XRCC5: variants seen among roughly 807,000 people sequenced by gnomAD.
XRCC5 encodes the protein DNA repair protein Ku80.
In XRCC5, 12 loss-of-function variants were observed where a neutral mutation model predicts 95.7. The observed-to-expected ratio is 0.13, with a 90% CI of 0.08 to 0.20. XRCC5 has a LOEUF of 0.20. XRCC5 is among the 10% of genes least tolerant of loss of function. XRCC5 has a pLI of 1.00. For missense variants in XRCC5, 595 were observed against 873.9 expected (o/e 0.68, Z 4.02); for synonymous variants, 281 against 290.3 (o/e 0.97, Z 0.33).
intron 19 of XRCC5, among the ~76,000 whole-genome samples, chr2:216,196,218 T>C (rs1283392487): frequency 1.4e-5 from 2 of 141,510 alleles, no homozygotes; most frequent in Non-Finnish European, 3.1e-5. Context: ...AGATTTTTGT[T>C]AAAAAAAAAA....
At chr2:216,125,814 A>G in intron 6 of XRCC5, 103 bp from the exon 7 acceptor site, 1 of 900,074 alleles carries the variant, frequency 1.1e-6, no homozygotes, top group Non-Finnish European at 1.7e-6. Flanking sequence ...TCTCTTTATA[A>G]TTAACATTAG....
intron 16 of XRCC5, among the ~76,000 whole-genome samples, chr2:216,185,550 C>G (rs1559260463): frequency 6.6e-6 from 1 of 152,156 alleles, no homozygotes; most frequent in Non-Finnish European, 1.5e-5. Context: ...TTTTTATTCT[C>G]TTAATAATGA....
rs968051819 is a variant in XRCC5 at position 216,192,748 on chromosome 2, T to G, written c.2041+13T>G. On this transcript the variant is annotated intron_variant, in intron 18 of 20. Coordinates refer to ENST00000392132, the MANE Select transcript of XRCC5 (RefSeq NM_021141.4). ...ATTGTTGTCCAGGGTAAGTTGTCAT[T>G]TGCCTTTTTTTTTAAAAAGTATTTT... 22 of 1,537,546 alleles carry G rather than the reference T, an allele frequency of 1.4e-5. No homozygotes were observed. Among genetic ancestry groups the G allele is most frequent in the Non-Finnish European group, 1.9e-5 (22 of 1,143,530 alleles).
intron 16 of XRCC5, among the ~76,000 whole-genome samples, chr2:216,179,942 G>A (rs1352163318): frequency 1.3e-5 from 2 of 152,178 alleles, no homozygotes; most frequent in African/African-American, 4.8e-5. Flanking sequence ...GAAGAGGTCC[G>A]ATTTTTGATC....
chr2:216,123,115 G>T (rs914509637), intron 6 of XRCC5, among the ~76,000 whole-genome samples: 1 of 152,136 alleles, frequency 6.6e-6, no homozygotes, highest in East Asian at 1.9e-4. Context: ...TGATATTCTT[G>T]AATTATTTCC....
At chr2:216,170,990 G>A (rs1218810885) in intron 16 of XRCC5, among the ~76,000 whole-genome samples, 2 of 152,184 alleles carry the variant, frequency 1.3e-5, no homozygotes, top group Admixed American at 1.3e-4. Context: ...AGCCCAGCTG[G>A]TTGAAAAAGG....
chr2:216,184,902 T>C (rs1227907843), intron 16 of XRCC5, among the ~76,000 whole-genome samples: 1 of 152,176 alleles, frequency 6.6e-6, no homozygotes, highest in Non-Finnish European at 1.5e-5. Context: ...CTGTATGCCC[T>C]GCATCTGAGG....
At chr2:216,138,928 C>T (rs1416661211) in intron 12 of XRCC5, among the ~76,000 whole-genome samples, 5 of 152,150 alleles carry the variant, frequency 3.3e-5, no homozygotes, top group Non-Finnish European at 5.9e-5. Flanking sequence ...TCAATTCTTT[C>T]TGTTATTTTG....
At chr2:216,188,651 C>G (rs1689554954) in intron 16 of XRCC5, among the ~76,000 whole-genome samples, 1 of 152,138 alleles carries the variant, frequency 6.6e-6, no homozygotes, top group Non-Finnish European at 1.5e-5. Flanking sequence ...ACACCGCTTT[C>G]TGTTATCAAA....
Position 216,175,307 on chromosome 2 carries a change from C to A in XRCC5, c.1834+13259C>A, listed in dbSNP as rs559580705. ...TCTACTTCTACCACCAGAGCCTCCT[C>A]TTCCACCAAAGTTTCCACCACAGCC... On this transcript the variant is annotated intron_variant, in intron 16 of 20. Transcript: ENST00000392132. 107 of 455,112 alleles carry A rather than the reference C, an allele frequency of 2.4e-4. 2 individuals carry two copies. Among genetic ancestry groups the A allele is most frequent in the South Asian group, 1.7e-3 (103 of 59,094 alleles). 28.2% of individuals were successfully genotyped at this position (455,112 alleles called of 1,614,324 possible). A position where few individuals can be genotyped will look rare whatever the true frequency, so the allele number is the denominator to read the frequency against.
chr2:216,124,135 T>G (rs574319363), intron 6 of XRCC5, among the ~76,000 whole-genome samples: 9 of 152,348 alleles, frequency 5.9e-5, no homozygotes, highest in African/African-American at 2.2e-4. Flanking sequence ...TTACCATCAT[T>G]GCAGAAAGTT....
rs754503811 is a variant in XRCC5, at chr2:216,130,832, GA to G, written c.938-42del. 6 of 1,347,164 alleles carry G rather than the reference GA, an allele frequency of 4.5e-6. 1 individual carries two copies. In the South Asian group the frequency reaches 7.6e-5, roughly 17 times the overall value. 83.5% of individuals were successfully genotyped at this position (1,347,164 alleles called of 1,614,324 possible). A position where few individuals can be genotyped will look rare whatever the true frequency, so the allele number is the denominator to read the frequency against. On this transcript the variant is annotated intron_variant, in intron 8 of 20. Coordinates refer to ENST00000392132, the MANE Select transcript of XRCC5 (RefSeq NM_021141.4). The stretch of plus-strand genomic sequence containing the variant: ...GAACTAATTTCAGCTTGTAGAAAAT[GA>G]GGCCCCATATGCTTAACAGATGCTC...
chr2:216,175,757 G>A (rs1689260343), intron 16 of XRCC5: 2 of 449,470 alleles, frequency 4.4e-6, no homozygotes, highest in Admixed American at 2.6e-5. Context: ...ACATTGCTGT[G>A]TCCACCTCTT....
At position 216,109,419 on chromosome 2, in the gene XRCC5, C is replaced by T. The variant is rs777483989; in HGVS notation, c.-18C>T. The stretch of plus-strand genomic sequence containing the variant: ...TCCCGCCCGGAAGAAGCGACCAAAG[C>T]GCCTGAGGACCGGCAACATGGTGCG... On this transcript the variant is annotated 5_prime_UTR_variant, in exon 1 of 21. Coordinates refer to ENST00000392132, the MANE Select transcript of XRCC5 (RefSeq NM_021141.4). 2 of 1,613,904 alleles carry T rather than the reference C, an allele frequency of 1.2e-6. No individual in the cohort carries two copies. The highest frequency in any genetic ancestry group is 8.5e-7 in the Non-Finnish European group (1 of 1,179,906).
Position 216,114,040 on chromosome 2 carries a change from G to A in XRCC5, c.135+911G>A, listed in dbSNP as rs576408463. ...AAGAACGGATGGTGGCTATCTTGGA[G>A]GTTAGCTACTACAGTGCCTCAGTGT... is the stretch of plus-strand genomic sequence containing the variant. On this transcript the variant is annotated intron_variant, in intron 2 of 20. Coordinates refer to ENST00000392132, the MANE Select transcript of XRCC5 (RefSeq NM_021141.4). 2.0e-4 allele frequency among the ~76,000 whole-genome samples: 31 copies of A among 152,294 alleles called. 1 individual carries two copies. The South Asian group carries it at 3.9e-3, about 19-fold the overall frequency.
At chr2:216,197,177 GTCT>G (rs1177131911) in intron 19 of XRCC5, among the ~76,000 whole-genome samples, 1 of 152,150 alleles carries the variant, frequency 6.6e-6, no homozygotes, top group Admixed American at 6.5e-5. Context: ...CAAATAGGAT[GTCT>G]TCTTTGAAAT....
At chr2:216,195,113 A>T in intron 19 of XRCC5, 127 bp downstream of exon 19, 1 of 821,344 alleles carries the variant, frequency 1.2e-6, no homozygotes, top group East Asian at 2.6e-5. Context: ...TCAATATGTA[A>T]ATTGCTTCAA....
chr2:216,204,997 G>A lies in XRCC5; in HGVS notation c.2185-191G>A, dbSNP rs2052426. On this transcript the variant is annotated intron_variant, in intron 20 of 20. Transcript: ENST00000392132. ...CGTACTATGATGTCAATCTTTTTTA[G>A]AGACATTCTCATTACTAAAATGAGT... Among the ~76,000 whole-genome samples, 1,167 of 152,226 alleles carry A rather than the reference G, an allele frequency of 7.7e-3. 42 individuals carry two copies. Among genetic ancestry groups the A allele is most frequent in the Admixed American group, 0.065 (986 of 15,286 alleles).
chr2:216,205,050 T>G, intron 20 of XRCC5, 138 bp from the exon 21 acceptor site: 1 of 995,176 alleles, frequency 1.0e-6, no homozygotes, highest in East Asian at 2.4e-5. Flanking sequence ...ACTCCTAAAA[T>G]AATGAGCGGT....
Sources: gnomAD v4.1 joint callset for allele counts (sites outside exome capture counted in the v4.1 genomes callset) on GRCh38, gnomAD v4.1.1 for gene constraint, MANE v1.5 for transcripts, NCBI Gene and HGNC (gene_info 2026-07-23, HGNC 2026-07-21) for gene names.